STRBP: variants seen among roughly 807,000 people sequenced by gnomAD.
STRBP encodes spermatid perinuclear RNA binding protein.
In STRBP, 13 loss-of-function variants were observed where a neutral mutation model predicts 80.1. That is an observed-to-expected ratio of 0.16 (90% confidence interval 0.11 to 0.26). The LOEUF is 0.26. Ranked by LOEUF, STRBP falls within the 10% of genes least tolerant of loss-of-function variation. STRBP has a pLI of 1.00. For synonymous variants in STRBP, 284 were observed against 291.2 expected (o/e 0.98, Z 0.25); for missense variants, 485 against 815.2 (o/e 0.59, Z 4.93).
At chr9:123,251,095 T>C (rs1379751197) in intron 1 of STRBP, among the ~76,000 whole-genome samples, 1 of 152,210 alleles carries the variant, frequency 6.6e-6, no homozygotes, top group African/African-American at 2.4e-5. Flanking sequence ...ACCACTGCAC[T>C]CCAGCCTGGG....
rs758605210 is a variant in STRBP, at chr9:123,159,145, C to T, written c.786G>A (p.Glu262=). 2 of 1,613,678 alleles carry T rather than the reference C, an allele frequency of 1.2e-6. No homozygotes were observed. The highest frequency in any genetic ancestry group is 3.3e-5 in the Admixed American group (2 of 60,012). Residue 262 remains glutamate, a synonymous_variant, in exon 9 of 19, where the codon GAG becomes GAA. Coordinates refer to ENST00000348403, the MANE Select transcript of STRBP (RefSeq NM_018387.5). ...AACACTCCATTACTCGTCTCAAGGC[C>T]TCCCCAGCGCCCAAAGGTCTATTAC... ...GTCNRPLGAG[E]ALRRVMECLA... is the part of the protein sequence containing the mutation.
chr9:123,180,752 A>G (rs1165745059), intron 3 of STRBP: 1 of 211,912 alleles, frequency 4.7e-6, no homozygotes, highest in Non-Finnish European at 8.1e-6. Flanking sequence ...CAAATTTACA[A>G]ATATCACGAA....
In STRBP at chr9:123,110,526, A is replaced by C. The variant is rs1158367148; in HGVS notation, c.*85-773T>G. 5.9e-6 allele frequency: 1 copy of C among 169,432 alleles called. No homozygotes were observed. The highest frequency in any genetic ancestry group is 1.9e-4 in the East Asian group (1 of 5,188). The allele number at this position is 169,432 out of a possible 1,614,324, so 10.5% of individuals were successfully genotyped here. ...GTCCAGGATGAAAGGCCTGAGTCCA[A>C]GGATGCTTTGGGGAAAACGGGATAA... On this transcript the variant is annotated intron_variant and NMD_transcript_variant, in intron 3 of 3. Transcript: ENST00000471564. The surrounding 1 kb of genome is among the most constrained non-coding windows in gnomAD (Gnocchi z 4.1).
At position 123,125,169 on chromosome 9, in the gene STRBP, T is replaced by C; in HGVS notation, c.*428A>G. ...TAAAGTGCCCTGGGGCAAATACATATCAATCAACTAAGAATCAGTGACTGC... is the reference window on the plus strand; with the variant it reads ...TAAAGTGCCCTGGGGCAAATACATACCAATCAACTAAGAATCAGTGACTGC... On this transcript the variant is annotated 3_prime_UTR_variant, in exon 19 of 19. Coordinates refer to ENST00000348403, the MANE Select transcript of STRBP (RefSeq NM_018387.5). 3 of 987,308 alleles carry C rather than the reference T, an allele frequency of 3.0e-6. No individual in the cohort carries two copies. The highest frequency in any genetic ancestry group is 1.7e-5 in the African/African-American group (1 of 57,394). The allele number at this position is 987,308 out of a possible 1,614,324, so 61.2% of individuals were successfully genotyped here. A position where few individuals can be genotyped will look rare whatever the true frequency, so the allele number is the denominator to read the frequency against.
At chr9:123,179,863 C>A (rs984586368) in intron 3 of STRBP, among the ~76,000 whole-genome samples, 12 of 152,220 alleles carry the variant, frequency 7.9e-5, no homozygotes, top group Admixed American at 5.2e-4. Flanking sequence ...TTCTTAGCTT[C>A]AAGAGAGTCG....
At chr9:123,163,329 TC>T (rs559988161) in intron 6 of STRBP, among the ~76,000 whole-genome samples, 151 of 152,336 alleles carry the variant, frequency 9.9e-4, no homozygotes, top group African/African-American at 3.6e-3. Context: ...AATTATTTCA[TC>T]CCAAAGTCAG....
rs565299235 is a variant in STRBP, at chr9:123,240,655, T to C, written c.-301-3689A>G. On this transcript the variant is annotated intron_variant, in intron 1 of 18. Transcript: ENST00000348403. ...AAGAGCATCAATGGCTAAACCTTCC[T>C]AGGCTTTGTTGGCTCTGCCTTCCCC... is the stretch of plus-strand genomic sequence containing the variant. 2.3e-4 allele frequency among the ~76,000 whole-genome samples: 35 copies of C among 152,336 alleles called. 1 individual carries two copies. The South Asian group carries it at 7.0e-3, about 31-fold the overall frequency.
chr9:123,218,282 CAT>C (rs767641133), intron 2 of STRBP, among the ~76,000 whole-genome samples: 13 of 148,870 alleles, frequency 8.7e-5, no homozygotes, highest in Non-Finnish European at 1.3e-4. Flanking sequence ...TGATATGTAA[CAT>C]GTAATCAAAA....
At chr9:123,178,532 A>G (rs1355398221) in intron 4 of STRBP, among the ~76,000 whole-genome samples, 2 of 152,220 alleles carry the variant, frequency 1.3e-5, no homozygotes, top group Non-Finnish European at 2.9e-5. Context: ...TATGCAAGAC[A>G]CTGCTAAATT....
At position 123,125,684 on chromosome 9, in the gene STRBP, A is replaced by C. The variant is rs1415310584; in HGVS notation, c.1943-11T>G. 1 of 1,601,218 alleles carries C rather than the reference A, an allele frequency of 6.2e-7. No homozygotes were observed. Among genetic ancestry groups the C allele is most frequent in the African/African-American group, 1.3e-5 (1 of 74,286 alleles). On this transcript the variant is annotated splice_polypyrimidine_tract_variant and intron_variant, in intron 18 of 18. Coordinates refer to ENST00000348403, the MANE Select transcript of STRBP (RefSeq NM_018387.5). ...TTCTCTTGGGTAAACCTACAGAGAAAAGAAACGGAGAGGACTCCAAATAAG... is the reference window on the plus strand; with the variant it reads ...TTCTCTTGGGTAAACCTACAGAGAACAGAAACGGAGAGGACTCCAAATAAG...
At chr9:123,143,123 T>C (rs904494526) in intron 13 of STRBP, among the ~76,000 whole-genome samples, 3 of 152,356 alleles carry the variant, frequency 2.0e-5, no homozygotes, top group South Asian at 4.1e-4. Flanking sequence ...TTCTGTATAA[T>C]AGAGATCTGA....
chr9:123,251,149 C>T (rs1024260525), intron 1 of STRBP, among the ~76,000 whole-genome samples: 1 of 152,050 alleles, frequency 6.6e-6, no homozygotes, highest in African/African-American at 2.4e-5. Context: ...GTTTCTTTCT[C>T]TGTCTCTGTT....
intron 14 of STRBP, among the ~76,000 whole-genome samples, chr9:123,137,333 G>A (rs901513432): frequency 6.6e-6 from 1 of 152,212 alleles, no homozygotes; most frequent in African/African-American, 2.4e-5. Flanking sequence ...CAGAGATCAT[G>A]TCTGTAATTC....
At chr9:123,239,434 C>T (rs534669716) in intron 1 of STRBP, among the ~76,000 whole-genome samples, 48 of 152,230 alleles carry the variant, frequency 3.2e-4, no homozygotes, top group Non-Finnish European at 5.6e-4. Context: ...CCAAATCTTA[C>T]CTTTTTTCCT....
intron 6 of STRBP, among the ~76,000 whole-genome samples, chr9:123,168,550 T>C (rs1247487130): frequency 6.6e-6 from 1 of 152,238 alleles, no homozygotes; most frequent in East Asian, 1.9e-4. Flanking sequence ...GGTACCTTTT[T>C]CTCTACCCTT....
intron 2 of STRBP, among the ~76,000 whole-genome samples, chr9:123,217,856 A>G (rs1417815750): frequency 2.6e-5 from 4 of 152,242 alleles, no homozygotes; most frequent in African/African-American, 9.6e-5. Context: ...TCAACTTCTT[A>G]AAGATTAATG....
chr9:123,231,245 A>T (rs2040390392), intron 2 of STRBP, among the ~76,000 whole-genome samples: 1 of 151,828 alleles, frequency 6.6e-6, no homozygotes, highest in African/African-American at 2.4e-5. Flanking sequence ...AGCAGCCTAT[A>T]CTCCTCTATT....
At chr9:123,183,022 A>AC (rs777811615) in intron 3 of STRBP, among the ~76,000 whole-genome samples, 2,353 of 39,288 alleles carry the variant, frequency 0.06, 43 homozygotes, top group Non-Finnish European at 0.093. Context: ...CTCAAAAAAA[A>AC]AAAAAAAAAA....
chr9:123,216,282 A>C (rs2039894845), intron 2 of STRBP, among the ~76,000 whole-genome samples: 1 of 152,224 alleles, frequency 6.6e-6, no homozygotes, highest in Non-Finnish European at 1.5e-5. Flanking sequence ...TGTTCCTAGA[A>C]GGCAGATACT....
Sources: allele counts gnomAD v4.1 joint callset (sites outside exome capture counted in the v4.1 genomes callset), GRCh38; gene constraint gnomAD v4.1.1; non-coding constraint Gnocchi (gnomAD v3.1); transcripts MANE v1.5; gene names NCBI Gene and HGNC (gene_info 2026-07-23, HGNC 2026-07-21).